NRP1: variants seen among roughly 807,000 people sequenced by gnomAD.
NRP1 encodes neuropilin 1, also known as neuropilin-1.
Under a neutral mutation model 106.7 loss-of-function variants are expected in NRP1, and 35 were observed. The observed-to-expected ratio is 0.33, with a 90% CI of 0.25 to 0.43. The LOEUF (loss-of-function observed/expected upper bound fraction) is 0.43. Among genes scored for constraint, NRP1 ranks in the 20% least tolerant of loss-of-function variants. NRP1 has a pLI of 1.00. For synonymous variants in NRP1, 437 were observed against 417.9 expected, an observed-to-expected ratio of 1.05 and a Z score of -0.56; for missense variants, 1,024 against 1,170.4, an observed-to-expected ratio of 0.87 and a Z score of 1.83.
chr10:33,295,825 A>C (rs1437750188), intron 2 of NRP1, among the ~76,000 whole-genome samples: 1 of 152,240 alleles, frequency 6.6e-6, no homozygotes, highest in Non-Finnish European at 1.5e-5. Context: ...AAAAATAAAC[A>C]GCAAAGGCAA....
At chr10:33,207,267 A>G (rs948544089) in intron 10 of NRP1, among the ~76,000 whole-genome samples, 2 of 152,184 alleles carry the variant, frequency 1.3e-5, no homozygotes, top group Admixed American at 1.3e-4. Flanking sequence ...GTTCCCCTTC[A>G]AGAGGTGAAA....
In NRP1 at chr10:33,317,701, T is replaced by C. The variant is rs536732250; in HGVS notation, c.248+13007A>G. Among the ~76,000 whole-genome samples the C allele has an allele frequency of 1.9e-3, 282 of 152,314 alleles. 2 individuals carry two copies. The South Asian group carries it at 0.03, about 16-fold the overall frequency. On this transcript the variant is annotated intron_variant, in intron 2 of 16. Transcript: ENST00000374867. The stretch of plus-strand genomic sequence containing the variant: ...TCCTCAAGCACACATGAAAGAATAA[T>C]TTTTTTAAGTCATTGATGCTATTAT...
intron 8 of NRP1, among the ~76,000 whole-genome samples, chr10:33,220,000 C>A (rs1358973505): frequency 2.6e-5 from 4 of 152,200 alleles, no homozygotes; most frequent in African/African-American, 9.7e-5. Flanking sequence ...TTATATCTAA[C>A]TTTTCAATGT....
At chr10:33,197,456 A>G in intron 12 of NRP1, among the ~76,000 whole-genome samples, 194 bp downstream of exon 12, 1 of 152,198 alleles carries the variant, frequency 6.6e-6, no homozygotes, top group African/African-American at 2.4e-5. Context: ...TTACTGATGG[A>G]GAAGGAAATC....
At chr10:33,249,306 C>T in intron 6 of NRP1, 1 of 339,266 alleles carries the variant, frequency 2.9e-6, no homozygotes, top group Non-Finnish European at 5.8e-6. Flanking sequence ...GAACGTCTCC[C>T]TAGAAGATGC....
intron 3 of NRP1, among the ~76,000 whole-genome samples, chr10:33,264,698 T>C (rs1273062995): frequency 6.6e-6 from 1 of 152,214 alleles, no homozygotes; most frequent in Non-Finnish European, 1.5e-5. Context: ...GTCATTGAAA[T>C]TGGTCAAGAG....
intron 4 of NRP1, among the ~76,000 whole-genome samples, chr10:33,256,823 C>T (rs1433808910): frequency 2.6e-5 from 4 of 152,180 alleles, no homozygotes; most frequent in South Asian, 2.1e-4. Context: ...CACAGCTCAG[C>T]GCCAAAAGAT....
chr10:33,319,839 G>A (rs10827233), intron 2 of NRP1, among the ~76,000 whole-genome samples: 19,553 of 150,716 alleles, frequency 0.13, 1,604 homozygotes, highest in East Asian at 0.28. Context: ...ACCTGCCTCC[G>A]CCTCCCAAAG....
At chr10:33,198,073 C>CTTTT (rs78668305) in intron 11 of NRP1, among the ~76,000 whole-genome samples, 2,385 of 125,834 alleles carry the variant, frequency 0.019, 78 homozygotes, top group African/African-American at 0.063. Context: ...CTATTTTAGG[C>CTTTT]TTTTTTTTTT....
chr10:33,295,919 G>A (rs1367522954), intron 2 of NRP1, among the ~76,000 whole-genome samples: 6 of 152,162 alleles, frequency 3.9e-5, no homozygotes, highest in African/African-American at 9.7e-5. Flanking sequence ...GTGCAAGTAC[G>A]TTCTACTAGT....
At chr10:33,290,436 A>C (rs1844916642) in intron 2 of NRP1, among the ~76,000 whole-genome samples, 1 of 152,040 alleles carries the variant, frequency 6.6e-6, no homozygotes, top group Non-Finnish European at 1.5e-5. Context: ...AGGACAGACA[A>C]AAGATTAATT....
chr10:33,264,599 A>ATGTG (rs370926745), intron 3 of NRP1, among the ~76,000 whole-genome samples: 18 of 151,764 alleles, frequency 1.2e-4, no homozygotes, highest in South Asian at 2.1e-4. Context: ...ATGTTAATAG[A>ATGTG]TGTGTGTGTG....
rs77909642 is a variant in NRP1 at position 33,182,877 on chromosome 10, C to T, written c.2432-129G>A. 9.8e-4 allele frequency: 676 copies of T among 691,560 alleles called. 11 individuals carry two copies. In the East Asian group the frequency reaches 0.018, roughly 18 times the overall value. 42.8% of individuals were successfully genotyped at this position (691,560 alleles called of 1,614,324 possible). A position where few individuals can be genotyped will look rare whatever the true frequency, so the allele number is the denominator to read the frequency against. On this transcript the variant is annotated intron_variant, in intron 15 of 16. Transcript: ENST00000374867. ...CACACACACACGTGTCTACTGGGCTCCTTTTGGATTTTTTAGTTCAATCAG... is the reference window on the plus strand; with the variant it reads ...CACACACACACGTGTCTACTGGGCTTCTTTTGGATTTTTTAGTTCAATCAG...
At chr10:33,251,737 C>T (rs1397963264) in intron 6 of NRP1, among the ~76,000 whole-genome samples, 1 of 152,170 alleles carries the variant, frequency 6.6e-6, no homozygotes, top group African/African-American at 2.4e-5. Context: ...AGAGAATTGC[C>T]TTGCGCAGAA....
rs192644319 is a variant in NRP1, at chr10:33,180,286, T to C, written c.2562A>G (p.Leu854=). 1.5e-5 allele frequency: 24 copies of C among 1,614,020 alleles called. No homozygotes were observed. In the Admixed American group the frequency reaches 2.2e-4, roughly 15 times the overall value. The change falls in exon 17 of 17, where the codon TTA becomes TTG. Residue 854 remains leucine (L), a synonymous_variant. Coordinates refer to ENST00000374867, the MANE Select transcript of NRP1 (RefSeq NM_003873.7). ...SRKPGNVLKT[L]DPILITIIAM... ...CTATGATGGTGATGAGGATGGGGTCTAAGGTCTTCAACACATTGCCTGGCT... is the reference window on the plus strand; with the variant it reads ...CTATGATGGTGATGAGGATGGGGTCCAAGGTCTTCAACACATTGCCTGGCT...
intron 2 of NRP1, among the ~76,000 whole-genome samples, chr10:33,300,603 G>A (rs986242708): frequency 3.9e-5 from 6 of 152,320 alleles, no homozygotes; most frequent in Admixed American, 1.3e-4. Context: ...AAAGGGAAAG[G>A]TGAAGCTGGG....
At chr10:33,323,626 C>T (rs1041023853) in intron 2 of NRP1, among the ~76,000 whole-genome samples, 3 of 152,036 alleles carry the variant, frequency 2.0e-5, no homozygotes, top group Non-Finnish European at 4.4e-5. Flanking sequence ...CAAGGTGCAA[C>T]GAACTGCCAA....
intron 4 of NRP1, among the ~76,000 whole-genome samples, chr10:33,257,434 T>G (rs1588862061): frequency 6.6e-6 from 1 of 152,094 alleles, no homozygotes; most frequent in African/African-American, 2.4e-5. Context: ...GTCAGGAGTT[T>G]GAGACCAGCC....
intron 2 of NRP1, among the ~76,000 whole-genome samples, chr10:33,322,870 G>A (rs527749879): frequency 7.2e-5 from 11 of 152,274 alleles, no homozygotes; most frequent in South Asian, 2.1e-4. Flanking sequence ...AGCTGGTAAC[G>A]TTTCATGAGA....
Sources: gnomAD v4.1 joint callset for allele counts (sites outside exome capture counted in the v4.1 genomes callset) on GRCh38, gnomAD v4.1.1 for gene constraint, MANE v1.5 for transcripts, NCBI Gene and HGNC (gene_info 2026-07-23, HGNC 2026-07-21) for gene names.